The following PTGR2 variants were observed in gnomAD, a reference collection of about 807,000 sequenced individuals.
PTGR2 encodes prostaglandin reductase 2, also known as 15-oxoprostaglandin 13-reductase.
In PTGR2, 32 loss-of-function variants were observed where a neutral mutation model predicts 43.4. The ratio of observed to expected loss-of-function variants is 0.74; its 90% confidence interval spans 0.56 to 0.99. The LOEUF (loss-of-function observed/expected upper bound fraction) is 0.99, where lower values mean the gene tolerates loss of function less well. PTGR2 is among the 50% of genes least tolerant of loss of function. PTGR2 has a pLI of 0.00. For synonymous variants in PTGR2, 106 were observed against 139.2 expected (o/e 0.76, Z 1.68); for missense variants, 373 against 420.0 (o/e 0.89, Z 0.98).
chr14:73,866,510 G>A (rs568174198), intron 3 of PTGR2, among the ~76,000 whole-genome samples: 50 of 152,194 alleles, frequency 3.3e-4, no homozygotes, highest in African/African-American at 1.2e-3. Flanking sequence ...GAACCAGCTT[G>A]TCAGTTTCTG....
intron 5 of PTGR2, chr14:73,877,806 A>C (rs1393385534): frequency 6.6e-6 from 1 of 152,224 alleles, no homozygotes; most frequent in African/African-American, 2.4e-5. Context: ...TTTTAAATTA[A>C]TATCCTCAAA....
chr14:73,858,482 G>A (rs2054414034), intron 1 of PTGR2: 1 of 167,292 alleles, frequency 6.0e-6, no homozygotes, highest in Non-Finnish European at 1.3e-5. Flanking sequence ...GAACCCAGGA[G>A]GCAGAGCTTG....
In PTGR2 at chr14:73,884,325, C is replaced by A; in HGVS notation, c.*148C>A. 1 of 556,406 alleles carries A rather than the reference C, an allele frequency of 1.8e-6. No homozygotes were observed. Among genetic ancestry groups the A allele is most frequent in the South Asian group, 2.4e-5 (1 of 42,054 alleles). The allele number at this position is 556,406 out of a possible 1,614,324, so 34.5% of individuals were successfully genotyped here. A position where few individuals can be genotyped will look rare whatever the true frequency, so the allele number is the denominator to read the frequency against. On this transcript the variant is annotated 3_prime_UTR_variant, in exon 10 of 10. Transcript: ENST00000555661. ...TTTTAGTTGCATAGGGTATTTGATA[C>A]AATCATTAATGGATCATACACAATA...
chr14:73,857,477 C>T lies in PTGR2; in HGVS notation c.-47-1339C>T, dbSNP rs1418132668. 3.3e-5 allele frequency among the ~76,000 whole-genome samples: 5 copies of T among 150,468 alleles called. No individual in the cohort carries two copies. The South Asian group carries it at 6.3e-4, about 19-fold the overall frequency. ...AAAATACAAAAAATTAGCAGGGCAC[C>T]GTGGTGCACGCCTGTAATCCCAGCT... On this transcript the variant is annotated intron_variant, in intron 1 of 9. Coordinates refer to ENST00000555661, the MANE Select transcript of PTGR2 (RefSeq NM_001146154.2).
intron 6 of PTGR2, 151 bp from the exon 7 acceptor site, chr14:73,879,904 A>C (rs2054942252): frequency 1.1e-5 from 7 of 644,538 alleles, no homozygotes; most frequent in Non-Finnish European, 1.8e-5. Context: ...TAGCTAGTTA[A>C]AATTCTTAAA....
chr14:73,856,282 G>A (rs549751462), intron 1 of PTGR2, among the ~76,000 whole-genome samples: 2 of 151,782 alleles, frequency 1.3e-5, no homozygotes, highest in African/African-American at 4.8e-5. Flanking sequence ...AGTTTCACTC[G>A]TCACCCAGAC....
At chr14:73,852,367 TTC>T (rs1331423321) in intron 1 of PTGR2, among the ~76,000 whole-genome samples, 2 of 152,076 alleles carry the variant, frequency 1.3e-5, no homozygotes, top group Non-Finnish European at 2.9e-5. Context: ...GTTCAAGCGA[TTC>T]TCCTGCCTCA....
chr14:73,857,662 G>GTTTTTTT (rs2054382479), intron 1 of PTGR2, among the ~76,000 whole-genome samples: 2 of 58,850 alleles, frequency 3.4e-5, no homozygotes, highest in Non-Finnish European at 7.1e-5. Flanking sequence ...TAAGCAGTTA[G>GTTTTTTT]TGTTTTTTTT....
chr14:73,871,027 G>A (rs986695136), intron 3 of PTGR2, among the ~76,000 whole-genome samples: 5 of 152,166 alleles, frequency 3.3e-5, no homozygotes, highest in Admixed American at 1.3e-4. Context: ...CTCCTGGATA[G>A]CCTCAGGATG....
At chr14:73,880,857 C>T (rs1226948980) in intron 7 of PTGR2, among the ~76,000 whole-genome samples, 1 of 152,070 alleles carries the variant, frequency 6.6e-6, no homozygotes, top group Non-Finnish European at 1.5e-5. Context: ...AGTAAAGTGG[C>T]GCGATCGCAG....
intron 3 of PTGR2, among the ~76,000 whole-genome samples, chr14:73,870,923 G>C (rs1446979838): frequency 6.6e-6 from 1 of 152,150 alleles, no homozygotes; most frequent in Non-Finnish European, 1.5e-5. Flanking sequence ...GAAATATTTG[G>C]TCTTCTTGCT....
Position 73,877,045 on chromosome 14 carries a change from T to C in PTGR2, c.396T>C (p.Ala132=). 6.2e-7 allele frequency: 1 copy of C among 1,613,936 alleles called. No individual in the cohort carries two copies. Among genetic ancestry groups the C allele is most frequent in the Non-Finnish European group, 8.5e-7 (1 of 1,179,922 alleles). ...VDGHLSYFLG[A]IGMPGLTSLI... is the part of the protein sequence containing the mutation. Reference sequence around the variant, plus strand: ...GACACCTTTCATATTTTCTTGGAGCTATAGGTATGCCTGGTTTGACTTCCT... The same window carrying C: ...GACACCTTTCATATTTTCTTGGAGCCATAGGTATGCCTGGTTTGACTTCCT... The change falls in exon 5 of 10, where the codon GCT becomes GCC. Residue 132 remains alanine (A), a synonymous_variant. Transcript: ENST00000555661.
At chr14:73,876,526 G>A (rs1328052347) in intron 4 of PTGR2, among the ~76,000 whole-genome samples, 1 of 133,514 alleles carries the variant, frequency 7.5e-6, no homozygotes, top group Non-Finnish European at 1.6e-5. Flanking sequence ...CTGTCGCCCA[G>A]GCTGGAGTGC....
rs762057250 is a variant in PTGR2 at position 73,860,503 on chromosome 14, CT to C, written c.38-29del. 5.4e-6 allele frequency: 6 copies of C among 1,101,160 alleles called. No homozygotes were observed. The East Asian group carries it at 1.2e-4, about 22-fold the overall frequency. The allele number at this position is 1,101,160 out of a possible 1,614,324, so 68.2% of individuals were successfully genotyped here. A position where few individuals can be genotyped will look rare whatever the true frequency, so the allele number is the denominator to read the frequency against. ...ATAATAATAGTATATAGCAAAGTGGCTTTTTTTAACTTTATATTTTTGCATA... is the reference window on the plus strand; with the variant it reads ...ATAATAATAGTATATAGCAAAGTGGCTTTTTTAACTTTATATTTTTGCATA... On this transcript the variant is annotated intron_variant, in intron 2 of 9. Transcript: ENST00000555661.
intron 4 of PTGR2, 127 bp from the exon 5 acceptor site, chr14:73,876,871 C>T: frequency 1.6e-6 from 1 of 623,914 alleles, no homozygotes; most frequent in Admixed American, 3.0e-5. Flanking sequence ...TAAAGTCACA[C>T]TGGGGCTTAG....
rs568992029 is a variant in PTGR2, at chr14:73,881,060, A to C, written c.852-145A>C. On this transcript the variant is annotated intron_variant, in intron 7 of 9. Transcript: ENST00000555661. ...GAAGTCTACATTTACACCTGTAACTATGCATAAAACTATCTGATCAGACTC... is the reference window on the plus strand; with the variant it reads ...GAAGTCTACATTTACACCTGTAACTCTGCATAAAACTATCTGATCAGACTC... 29 of 522,814 alleles carry C rather than the reference A, an allele frequency of 5.5e-5. No individual in the cohort carries two copies. In the South Asian group the frequency reaches 7.7e-4, roughly 14 times the overall value. 32.4% of individuals were successfully genotyped at this position (522,814 alleles called of 1,614,324 possible).
intron 1 of PTGR2, among the ~76,000 whole-genome samples, chr14:73,857,321 T>C (rs544900761): frequency 6.7e-6 from 1 of 149,948 alleles, no homozygotes; most frequent in Non-Finnish European, 1.5e-5. Flanking sequence ...CTTTGAAAAT[T>C]TGGTTACGTG....
chr14:73,874,705 G>A (rs1236684188), intron 4 of PTGR2: 12 of 412,180 alleles, frequency 2.9e-5, no homozygotes, highest in Admixed American at 1.2e-4. Flanking sequence ...TATAGCTAAA[G>A]GAATGGGGCT....
At chr14:73,881,373 C>A in intron 8 of PTGR2, 81 bp downstream of exon 8, 1 of 784,826 alleles carries the variant, frequency 1.3e-6, no homozygotes, top group Non-Finnish European at 2.1e-6. Context: ...CTATAGCAAA[C>A]ATACTAGTTT....
Sources: allele counts gnomAD v4.1 joint callset (sites outside exome capture counted in the v4.1 genomes callset), GRCh38; gene constraint gnomAD v4.1.1; transcripts MANE v1.5; gene names NCBI Gene and HGNC (gene_info 2026-07-23, HGNC 2026-07-21).